The following PARM1 variants were observed in gnomAD, a reference collection of about 807,000 sequenced individuals.
PARM1 encodes WSC4, cell wall integrity and stress response component 4 homolog.
In PARM1, 14 loss-of-function variants were observed where a neutral mutation model predicts 24.6. The ratio of observed to expected loss-of-function variants is 0.57; its 90% confidence interval spans 0.38 to 0.89. The LOEUF (loss-of-function observed/expected upper bound fraction) is 0.89. Ranked by LOEUF, PARM1 falls within the 40% of genes least tolerant of loss-of-function variation. PARM1 has a pLI of 0.00. For missense variants in PARM1, 362 were observed against 380.4 expected (o/e 0.95, Z 0.40); for synonymous variants, 179 against 156.6 (o/e 1.14, Z -1.07).
chr4:74,934,611 C>G (rs1266602798), intron 1 of PARM1, among the ~76,000 whole-genome samples: 2 of 152,228 alleles, frequency 1.3e-5, no homozygotes, highest in African/African-American at 4.8e-5. Context: ...GACGCGTCCG[C>G]GGACAGTTCC....
At chr4:75,001,619 G>A (rs369464520) in intron 1 of PARM1, among the ~76,000 whole-genome samples, 1 of 152,192 alleles carries the variant, frequency 6.6e-6, no homozygotes, top group Non-Finnish European at 1.5e-5. Flanking sequence ...CATGCAAGTT[G>A]TATTTCATTT....
chr4:74,945,090 C>T (rs1340985154), intron 1 of PARM1, among the ~76,000 whole-genome samples: 1 of 152,118 alleles, frequency 6.6e-6, no homozygotes, highest in Non-Finnish European at 1.5e-5. Context: ...CCATGATGTA[C>T]TGACATACAA....
intron 1 of PARM1, among the ~76,000 whole-genome samples, chr4:75,000,711 C>T (rs551821271): frequency 6.6e-6 from 1 of 152,188 alleles, no homozygotes; most frequent in African/African-American, 2.4e-5. Context: ...TACAAAAGAG[C>T]CTTTAGCTTG....
intron 2 of PARM1, among the ~76,000 whole-genome samples, chr4:75,013,713 G>A (rs970338525): frequency 2.0e-5 from 3 of 152,220 alleles, no homozygotes; most frequent in Non-Finnish European, 4.4e-5. Flanking sequence ...AGTAGGAGTG[G>A]AGAAAACTTA....
At chr4:75,006,216 A>G (rs933968723) in intron 1 of PARM1, among the ~76,000 whole-genome samples, 4 of 152,108 alleles carry the variant, frequency 2.6e-5, no homozygotes, top group African/African-American at 9.7e-5. Context: ...ATATGTATAC[A>G]TGTGCCATGT....
At chr4:75,033,988 A>G in intron 3 of PARM1, 27 bp downstream of exon 3, 2 of 1,558,746 alleles carry the variant, frequency 1.3e-6, no homozygotes, top group Non-Finnish European at 1.7e-6. Context: ...TCTTAAAAAA[A>G]AGGGATTCTG....
chr4:75,045,972 G>A (rs1455817453), intron 3 of PARM1, among the ~76,000 whole-genome samples, 191 bp from the exon 4 acceptor site: 2 of 152,216 alleles, frequency 1.3e-5, no homozygotes, highest in African/African-American at 4.8e-5. Context: ...CTAGCAGGAA[G>A]AGTTGTCATT....
At chr4:74,986,955 G>A (rs1375777651) in intron 1 of PARM1, among the ~76,000 whole-genome samples, 3 of 152,068 alleles carry the variant, frequency 2.0e-5, no homozygotes, top group Non-Finnish European at 4.4e-5. Flanking sequence ...CACCCCGGCT[G>A]TGCACTTTCA....
At chr4:75,001,815 C>T (rs1337265928) in intron 1 of PARM1, among the ~76,000 whole-genome samples, 1 of 152,064 alleles carries the variant, frequency 6.6e-6, no homozygotes, top group African/African-American at 2.4e-5. Flanking sequence ...GAGGAAACAC[C>T]CTCTAAGTTT....
intron 1 of PARM1, among the ~76,000 whole-genome samples, chr4:75,009,561 A>C (rs191467260): frequency 6.2e-4 from 95 of 152,362 alleles, no homozygotes; most frequent in African/African-American, 2.2e-3. Flanking sequence ...AATTAAAATG[A>C]GTGAAGCTGA....
chr4:74,950,434 C>T (rs1721501104), intron 1 of PARM1, among the ~76,000 whole-genome samples: 1 of 152,146 alleles, frequency 6.6e-6, no homozygotes, highest in Non-Finnish European at 1.5e-5. Context: ...CTCTGAGTCA[C>T]TCTGTGTCCA....
At chr4:75,014,759 A>C (rs574048944) in intron 2 of PARM1, among the ~76,000 whole-genome samples, 1 of 152,202 alleles carries the variant, frequency 6.6e-6, no homozygotes, top group South Asian at 2.1e-4. Context: ...AAGGGAGGAA[A>C]TCTATTGACT....
intron 2 of PARM1, among the ~76,000 whole-genome samples, chr4:75,015,831 C>T (rs1722974311): frequency 6.6e-6 from 1 of 152,354 alleles, no homozygotes; most frequent in East Asian, 1.9e-4. Flanking sequence ...TCTCTCACCA[C>T]TCTGAATTGC....
chr4:74,933,447 T>C (rs1338872795), intron 1 of PARM1, 77 bp downstream of exon 1: 1 of 1,305,486 alleles, frequency 7.7e-7, no homozygotes, highest in Non-Finnish European at 1.1e-6. Flanking sequence ...GGGCTGAAGC[T>C]AGGAGATCCG....
At chr4:74,946,458 C>A (rs1413450633) in intron 1 of PARM1, among the ~76,000 whole-genome samples, 1 of 152,158 alleles carries the variant, frequency 6.6e-6, no homozygotes, top group Non-Finnish European at 1.5e-5. Flanking sequence ...TTAGGCCATG[C>A]CAAATTGCCT....
At chr4:75,045,675 T>G (rs1231486340) in intron 3 of PARM1, among the ~76,000 whole-genome samples, 3 of 152,236 alleles carry the variant, frequency 2.0e-5, no homozygotes, top group Non-Finnish European at 4.4e-5. Flanking sequence ...TGGCCTTATT[T>G]TGAGGATCAA....
At chr4:75,020,495 C>CA (rs1327871998) in intron 2 of PARM1, among the ~76,000 whole-genome samples, 1 of 134,108 alleles carries the variant, frequency 7.5e-6, no homozygotes, top group Non-Finnish European at 1.5e-5. Context: ...CCTCATTTCC[C>CA]CCCCCCCGCA....
At chr4:74,980,463 G>T (rs997732424) in intron 1 of PARM1, among the ~76,000 whole-genome samples, 5 of 151,948 alleles carry the variant, frequency 3.3e-5, no homozygotes, top group African/African-American at 1.2e-4. Context: ...AAGGAAATTA[G>T]GACACAAACA....
At chr4:74,986,964 C>T (rs909344753) in intron 1 of PARM1, among the ~76,000 whole-genome samples, 8 of 152,206 alleles carry the variant, frequency 5.3e-5, no homozygotes, top group African/African-American at 1.7e-4. Context: ...TGTGCACTTT[C>T]ATTAATCTCT....
Sources: gnomAD v4.1 joint callset for allele counts (sites outside exome capture counted in the v4.1 genomes callset) on GRCh38, gnomAD v4.1.1 for gene constraint, MANE v1.5 for transcripts, NCBI Gene and HGNC (gene_info 2026-07-23, HGNC 2026-07-21) for gene names.